The following HS3ST5 variants were observed in gnomAD, a reference collection of about 807,000 sequenced individuals.
The protein encoded by HS3ST5 is heparan sulfate-glucosamine 3-sulfotransferase 5.
A neutral mutation model predicts 25.4 loss-of-function variants in HS3ST5; 10 were observed. That is an observed-to-expected ratio of 0.39 (90% CI 0.24 to 0.67). HS3ST5 has a LOEUF of 0.67. Among genes scored for constraint, HS3ST5 ranks in the 30% least tolerant of loss-of-function variants. The probability of loss-of-function intolerance (pLI) is 0.44; values close to 1 mark genes in which losing one functional copy is unlikely to be tolerated. For synonymous variants in HS3ST5, 170 were observed against 162.4 expected, an observed-to-expected ratio of 1.05 and a Z score of -0.36; for missense variants, 324 against 420.7, an observed-to-expected ratio of 0.77 and a Z score of 2.01.
chr6:114,147,402 T>C (rs1185123158), intron 3 of HS3ST5, among the ~76,000 whole-genome samples: 1 of 152,164 alleles, frequency 6.6e-6, no homozygotes, highest in African/African-American at 2.4e-5. Flanking sequence ...TGCCCTTCAT[T>C]TCTGCTCCTC....
chr6:114,149,468 A>G (rs371178940), intron 3 of HS3ST5, among the ~76,000 whole-genome samples: 1 of 152,178 alleles, frequency 6.6e-6, no homozygotes, highest in Admixed American at 6.5e-5. Flanking sequence ...ATTTTCAGCA[A>G]ACTAACACAG....
At chr6:114,119,315 T>C (rs1213862284) in intron 3 of HS3ST5, among the ~76,000 whole-genome samples, 3 of 152,172 alleles carry the variant, frequency 2.0e-5, no homozygotes, top group African/African-American at 7.2e-5. Flanking sequence ...ACTCATCCAT[T>C]TGATAGATGA....
At chr6:114,116,371 A>C (rs1453027748) in intron 3 of HS3ST5, among the ~76,000 whole-genome samples, 1 of 152,132 alleles carries the variant, frequency 6.6e-6, no homozygotes, top group Non-Finnish European at 1.5e-5. Flanking sequence ...CCTAAGAATT[A>C]GGAGACCCCA....
In HS3ST5 at chr6:114,192,620, A is replaced by G. The variant is rs533535471; in HGVS notation, c.-144-24158T>C. Among the ~76,000 whole-genome samples the G allele has an allele frequency of 1.8e-4, 28 of 152,308 alleles. 1 individual carries two copies. Among genetic ancestry groups the G allele is most frequent in the Non-Finnish European group, 3.2e-4 (22 of 68,018 alleles). ...CAAGAGCCAACTGTCCTGTAATTCT[A>G]AAGTGTCAATTAAAAAGGCAAGACC... On this transcript the variant is annotated intron_variant, in intron 2 of 4. Transcript: ENST00000312719.
rs149748483 is a variant in HS3ST5, at chr6:114,179,437, G to A, written c.-144-10975C>T. Among the ~76,000 whole-genome samples, 163 of 152,180 alleles carry A rather than the reference G, an allele frequency of 1.1e-3. 4 individuals carry two copies. The East Asian group carries it at 0.025, about 23-fold the overall frequency. ...TGACAAAGGCATTATTATCTCTGTG[G>A]TAGGATTCATAAAGTACCCAAGTTA... On this transcript the variant is annotated intron_variant, in intron 2 of 4. Coordinates refer to ENST00000312719, the MANE Select transcript of HS3ST5 (RefSeq NM_153612.4).
intron 3 of HS3ST5, among the ~76,000 whole-genome samples, chr6:114,064,237 G>A (rs1436540058): frequency 2.0e-5 from 3 of 152,202 alleles, no homozygotes; most frequent in Non-Finnish European, 4.4e-5. Context: ...CTAGGATTGA[G>A]TGATTGATCT....
In HS3ST5 at chr6:114,062,824, A is replaced by G; in HGVS notation, c.22T>C (p.Trp8Arg). Residue 8 changes from tryptophan to arginine, a missense_variant, in exon 4 of 5, where the codon TGG becomes CGG. Around this residue, in one of 2 missense-constraint regions of HS3ST5, gnomAD observed 121 missense variants for 117.3 expected, o/e 1.03. Transcript: ENST00000312719. ...AGCACCAGGAGCTTCTGTCTCAGCCACGCCTGCTGTTTGAATAGCATGGCC... is the reference window on the plus strand; with the variant it reads ...AGCACCAGGAGCTTCTGTCTCAGCCGCGCCTGCTGTTTGAATAGCATGGCC... MLFKQQA[W>R]LRQKLLVLGS... 1 of 1,614,038 alleles carries G rather than the reference A, an allele frequency of 6.2e-7. No homozygotes were observed. The highest frequency in any genetic ancestry group is 8.5e-7 in the Non-Finnish European group (1 of 1,179,916).
chr6:114,265,972 C>G (rs1337022748), intron 1 of HS3ST5, among the ~76,000 whole-genome samples: 3 of 152,144 alleles, frequency 2.0e-5, no homozygotes, highest in Admixed American at 2.0e-4. Flanking sequence ...ATGACTCCCA[C>G]ATTGAAACCT....
intron 1 of HS3ST5, among the ~76,000 whole-genome samples, chr6:114,261,276 A>T (rs1309166499): frequency 6.6e-6 from 1 of 152,206 alleles, no homozygotes; most frequent in Non-Finnish European, 1.5e-5. Context: ...TTAAGAAAAA[A>T]CAATTGAAGA....
intron 3 of HS3ST5, among the ~76,000 whole-genome samples, chr6:114,153,111 GA>G (rs1256490322): frequency 6.6e-6 from 1 of 152,084 alleles, no homozygotes; most frequent in Non-Finnish European, 1.5e-5. Flanking sequence ...CTTGTTCACT[GA>G]AACACCCTTT....
At chr6:114,087,109 G>A (rs762272614) in intron 3 of HS3ST5, among the ~76,000 whole-genome samples, 9 of 151,992 alleles carry the variant, frequency 5.9e-5, no homozygotes, top group Non-Finnish European at 8.8e-5. Flanking sequence ...AGGTCTCTGC[G>A]GCAAAGTGGA....
Position 114,257,955 on chromosome 6 carries a change from C to T in HS3ST5, c.-338-29177G>A, listed in dbSNP as rs553921077. On this transcript the variant is annotated intron_variant, in intron 1 of 4. Transcript: ENST00000312719. ...GATTGATTGTAAAGGTGAGGTCTCT[C>T]GCTATGTTGCCCAGGCTGGTCTCAA... 2.6e-4 allele frequency among the ~76,000 whole-genome samples: 40 copies of T among 152,178 alleles called. No individual in the cohort carries two copies. In the South Asian group the frequency reaches 6.0e-3, roughly 23 times the overall value.
chr6:114,309,558 C>G (rs769321113), intron 1 of HS3ST5, among the ~76,000 whole-genome samples: 2 of 152,080 alleles, frequency 1.3e-5, no homozygotes, highest in Non-Finnish European at 2.9e-5. Context: ...TATGGAGAAA[C>G]CCTATCTCTA....
chr6:114,304,198 A>G (rs1465568071), intron 1 of HS3ST5, among the ~76,000 whole-genome samples: 2 of 152,178 alleles, frequency 1.3e-5, no homozygotes, highest in African/African-American at 4.8e-5. Context: ...AAGCAGTTAG[A>G]AAGATGAAAA....
At chr6:114,273,969 A>C (rs1346254013) in intron 1 of HS3ST5, among the ~76,000 whole-genome samples, 1 of 152,070 alleles carries the variant, frequency 6.6e-6, no homozygotes, top group Non-Finnish European at 1.5e-5. Flanking sequence ...TGGAAGAAAT[A>C]ACCATGTTTA....
At chr6:114,218,018 G>T (rs551596688) in intron 2 of HS3ST5, among the ~76,000 whole-genome samples, 1 of 151,668 alleles carries the variant, frequency 6.6e-6, no homozygotes, top group Non-Finnish European at 1.5e-5. Context: ...TTTTTTTTGA[G>T]ACAGAGTGTC....
intron 3 of HS3ST5, among the ~76,000 whole-genome samples, chr6:114,093,266 C>T (rs749302794): frequency 5.9e-5 from 9 of 151,954 alleles, no homozygotes; most frequent in Non-Finnish European, 1.0e-4. Flanking sequence ...TCAAGCTGCT[C>T]CTGATGAATA....
chr6:114,109,114 G>C (rs1292440413), intron 3 of HS3ST5, among the ~76,000 whole-genome samples: 1 of 151,942 alleles, frequency 6.6e-6, no homozygotes, highest in Non-Finnish European at 1.5e-5. Flanking sequence ...AGTGACCTGT[G>C]TTTGTGCCAC....
At chr6:114,300,799 A>C (rs1024440433) in intron 1 of HS3ST5, among the ~76,000 whole-genome samples, 2 of 152,250 alleles carry the variant, frequency 1.3e-5, no homozygotes, top group African/African-American at 4.8e-5. Context: ...TATTCATACA[A>C]TAGAATATTA....
Sources: allele counts gnomAD v4.1 joint callset (sites outside exome capture counted in the v4.1 genomes callset), GRCh38; gene constraint gnomAD v4.1.1; regional missense constraint gnomAD v4.1.1; transcripts MANE v1.5; gene names NCBI Gene and HGNC (gene_info 2026-07-23, HGNC 2026-07-21).